The following GNAZ variants were observed in gnomAD, a reference collection of about 807,000 sequenced individuals.
GNAZ encodes G protein subunit alpha z.
A neutral mutation model predicts 25.4 loss-of-function variants in GNAZ; 3 were observed. The observed-to-expected ratio is 0.12, with a 90% confidence interval of 0.05 to 0.30. The LOEUF (loss-of-function observed/expected upper bound fraction) is 0.30, where lower values mean the gene tolerates loss of function less well. Among genes scored for constraint, GNAZ ranks in the 10% least tolerant of loss-of-function variants. GNAZ has a pLI of 1.00. For synonymous variants in GNAZ, 211 were observed against 205.7 expected (o/e 1.03, Z -0.22); for missense variants, 241 against 501.8 (o/e 0.48, Z 4.97).
At position 23,123,593 on chromosome 22, in the gene GNAZ, A is replaced by C; in HGVS notation, c.*162A>C. ...CTTGGCCCCACATTTCTGCAAACAT[A>C]AATATTTACGGATAGATTGCTAGGT... On this transcript the variant is annotated 3_prime_UTR_variant, in exon 3 of 3. Coordinates refer to ENST00000615612, the MANE Select transcript of GNAZ (RefSeq NM_002073.4). 1 of 603,408 alleles carries C rather than the reference A, an allele frequency of 1.7e-6. No homozygotes were observed. Among genetic ancestry groups the C allele is most frequent in the Non-Finnish European group, 2.9e-6 (1 of 339,056 alleles). 37.4% of individuals were successfully genotyped at this position (603,408 alleles called of 1,614,324 possible).
intron 2 of GNAZ, 60 bp downstream of exon 2, chr22:23,096,478 A>G: frequency 6.5e-7 from 1 of 1,531,756 alleles, no homozygotes; most frequent in South Asian, 1.2e-5. Context: ...CCTGGAAGCA[A>G]GAGGACTCGT....
At chr22:23,078,305 C>T (rs1026954732) in intron 1 of GNAZ, among the ~76,000 whole-genome samples, 1 of 152,206 alleles carries the variant, frequency 6.6e-6, no homozygotes, top group Non-Finnish European at 1.5e-5. Flanking sequence ...TATTCATTTC[C>T]CTTAAACACT....
chr22:23,116,665 G>A (rs912817051), intron 2 of GNAZ, among the ~76,000 whole-genome samples: 7 of 152,188 alleles, frequency 4.6e-5, no homozygotes, highest in Non-Finnish European at 1.0e-4. Flanking sequence ...ATGGACTGGA[G>A]GTCAGAACGT....
intron 1 of GNAZ, among the ~76,000 whole-genome samples, chr22:23,094,366 C>T (rs1046992797): frequency 1.3e-5 from 2 of 152,036 alleles, no homozygotes; most frequent in African/African-American, 4.8e-5. Context: ...CTAGGGTGTG[C>T]CCCTCCCTGC....
intron 2 of GNAZ, among the ~76,000 whole-genome samples, chr22:23,101,020 CA>C (rs1326865501): frequency 3.9e-5 from 6 of 152,308 alleles, no homozygotes; most frequent in African/African-American, 1.4e-4. Context: ...GTGGGTGAAA[CA>C]AGGTGTTTCC....
chr22:23,078,892 G>A (rs1381697928), intron 1 of GNAZ, among the ~76,000 whole-genome samples: 2 of 152,192 alleles, frequency 1.3e-5, no homozygotes, highest in East Asian at 1.9e-4. Flanking sequence ...CATCAGGATC[G>A]GCCAAGTCCA....
At chr22:23,104,919 T>C (rs928709275) in intron 2 of GNAZ, among the ~76,000 whole-genome samples, 4 of 152,136 alleles carry the variant, frequency 2.6e-5, no homozygotes, top group African/African-American at 9.7e-5. Flanking sequence ...GGACACCCAG[T>C]GTTGGCCAGG....
intron 1 of GNAZ, among the ~76,000 whole-genome samples, chr22:23,081,863 C>G (rs1024081038): frequency 1.4e-5 from 2 of 146,410 alleles, no homozygotes; most frequent in African/African-American, 5.1e-5. Context: ...CAGTGGCTCA[C>G]GCCTGTAATC....
At chr22:23,087,883 C>T (rs1311462038) in intron 1 of GNAZ, among the ~76,000 whole-genome samples, 1 of 152,178 alleles carries the variant, frequency 6.6e-6, no homozygotes. Flanking sequence ...TAGGGAGGGT[C>T]AGAATCTTTA....
chr22:23,077,678 G>A (rs1011386456), intron 1 of GNAZ, among the ~76,000 whole-genome samples: 10 of 152,198 alleles, frequency 6.6e-5, no homozygotes, highest in African/African-American at 1.7e-4. Flanking sequence ...TGTGGGGCCC[G>A]GTGGTCCTGT....
chr22:23,091,963 G>T (rs888872093), intron 1 of GNAZ, among the ~76,000 whole-genome samples: 2 of 151,906 alleles, frequency 1.3e-5, no homozygotes, highest in Non-Finnish European at 2.9e-5. Context: ...CCCACACACC[G>T]CAGGGCCTTA....
chr22:23,105,356 T>G (rs1051354948), intron 2 of GNAZ, among the ~76,000 whole-genome samples: 3 of 152,212 alleles, frequency 2.0e-5, no homozygotes, highest in African/African-American at 7.2e-5. Flanking sequence ...AGGATGAATA[T>G]TTTTGAAAAC....
chr22:23,089,656 G>A (rs1273673552), intron 1 of GNAZ, among the ~76,000 whole-genome samples: 1 of 152,204 alleles, frequency 6.6e-6, no homozygotes, highest in Non-Finnish European at 1.5e-5. Context: ...GGAGGGTGAT[G>A]AGGGCAGGCC....
chr22:23,124,485 A>T lies in GNAZ; in HGVS notation c.*1054A>T, dbSNP rs1424517164. The T allele has an allele frequency of 2.5e-6, 1 of 401,070 alleles. No homozygotes were observed. Among genetic ancestry groups the T allele is most frequent in the South Asian group, 1.8e-5 (1 of 55,876 alleles). The allele number at this position is 401,070 out of a possible 1,614,324, so 24.8% of individuals were successfully genotyped here. On this transcript the variant is annotated 3_prime_UTR_variant, in exon 3 of 3. Transcript: ENST00000615612. ...AAGCCTCTGCAGTGTCCTCTTGTTA[A>T]TGGTGGGGTTTTCTGCTTTGTTTTT...
chr22:23,093,842 G>A (rs1264039811), intron 1 of GNAZ, among the ~76,000 whole-genome samples: 2 of 152,182 alleles, frequency 1.3e-5, no homozygotes, highest in African/African-American at 4.8e-5. Context: ...GGGAGCAGGT[G>A]TGAGAGGCCA....
At chr22:23,121,738 T>C (rs1349489092) in intron 2 of GNAZ, among the ~76,000 whole-genome samples, 1 of 119,818 alleles carries the variant, frequency 8.3e-6, no homozygotes, top group East Asian at 2.3e-4. Flanking sequence ...TTTTTTTTTT[T>C]TGAGACAGAG....
chr22:23,119,753 G>A (rs900629019), intron 2 of GNAZ, among the ~76,000 whole-genome samples: 4 of 152,346 alleles, frequency 2.6e-5, no homozygotes, highest in South Asian at 2.1e-4. Flanking sequence ...GTCTGAGCCC[G>A]GAAGTGAGGT....
chr22:23,122,136 G>A (rs1402850336), intron 2 of GNAZ, among the ~76,000 whole-genome samples: 1 of 152,206 alleles, frequency 6.6e-6, no homozygotes, highest in African/African-American at 2.4e-5. Context: ...GCTTTTGCCA[G>A]CAGCAAATTC....
At chr22:23,118,929 G>T (rs1449537264) in intron 2 of GNAZ, among the ~76,000 whole-genome samples, 3 of 152,226 alleles carry the variant, frequency 2.0e-5, no homozygotes, top group Admixed American at 1.3e-4. Flanking sequence ...ACCCAGGGGA[G>T]CCCACAAAGG....
Sources: allele counts gnomAD v4.1 joint callset (sites outside exome capture counted in the v4.1 genomes callset), GRCh38; gene constraint gnomAD v4.1.1; transcripts MANE v1.5; gene names NCBI Gene and HGNC (gene_info 2026-07-23, HGNC 2026-07-21).